Variants in SLC9A9 observed in about 807,000 individuals in gnomAD.
SLC9A9 encodes solute carrier family 9 member A9, also known as sodium/hydrogen exchanger 9.
A neutral mutation model predicts 77.8 loss-of-function variants in SLC9A9; 62 were observed. That is an observed-to-expected ratio of 0.80 (90% CI 0.65 to 0.98). The LOEUF is 0.98. Ranked by LOEUF, SLC9A9 falls within the 50% of genes least tolerant of loss-of-function variation. The pLI is 0.00. For synonymous variants in SLC9A9, 320 were observed against 283.5 expected (o/e 1.13, Z -1.29); for missense variants, 775 against 774.9 (o/e 1.00, Z 0.00).
chr3:143,347,566 C>T lies in SLC9A9; in HGVS notation c.1604+15918G>A, dbSNP rs143988736. On this transcript the variant is annotated intron_variant, in intron 14 of 15. Transcript: ENST00000316549. ...AAAGCACAGGGTAAGGAAAGGGCAC[C>T]CGGATAGGGGAATCCTGTGCCCTGG... Among the ~76,000 whole-genome samples the T allele has an allele frequency of 1.3e-3, 204 of 152,232 alleles. 2 individuals are homozygous for T. Among genetic ancestry groups the T allele is most frequent in the African/African-American group, 4.7e-3 (197 of 41,530 alleles).
intron 4 of SLC9A9, among the ~76,000 whole-genome samples, chr3:143,726,257 A>AAG (rs1934651616): frequency 6.6e-6 from 1 of 151,240 alleles, no homozygotes; most frequent in Non-Finnish European, 1.5e-5. Context: ...AAAAGAAAAA[A>AAG]AAAAAAAAGA....
chr3:143,802,882 G>A (rs1321589162), intron 2 of SLC9A9, among the ~76,000 whole-genome samples: 1 of 152,026 alleles, frequency 6.6e-6, no homozygotes, highest in Non-Finnish European at 1.5e-5. Flanking sequence ...TTATACGGAC[G>A]CACTTTCTTA....
chr3:143,394,203 AT>A (rs2033642248), intron 12 of SLC9A9, among the ~76,000 whole-genome samples: 1 of 152,238 alleles, frequency 6.6e-6, no homozygotes, highest in Non-Finnish European at 1.5e-5. Context: ...AAAATCCTCA[AT>A]AAAATACTGG....
intron 12 of SLC9A9, among the ~76,000 whole-genome samples, chr3:143,449,974 T>TGTAC (rs2034965290): frequency 1.2e-5 from 1 of 83,576 alleles, no homozygotes; most frequent in South Asian, 4.2e-4. Context: ...ATATATAATA[T>TGTAC]ATATTATATG....
intron 8 of SLC9A9, among the ~76,000 whole-genome samples, chr3:143,562,831 T>G (rs1417451687): frequency 6.6e-6 from 1 of 151,936 alleles, no homozygotes; most frequent in Non-Finnish European, 1.5e-5. Flanking sequence ...CAATGATGAA[T>G]GGACTCAACT....
Position 143,815,868 on chromosome 3 carries a change from AAAAC to A in SLC9A9, c.378+16147_378+16150del, listed in dbSNP as rs372331676. ...TGACAGAGCAAGATTCCATCTCAAA[AAAAC>A]AAACAAACAAACAAACAAAAACAAC... On this transcript the variant is annotated intron_variant, in intron 2 of 15. Coordinates refer to ENST00000316549, the MANE Select transcript of SLC9A9 (RefSeq NM_173653.4). 1.3e-3 allele frequency among the ~76,000 whole-genome samples: 194 copies of A among 152,274 alleles called. 1 individual carries two copies. The East Asian group carries it at 0.022, about 17-fold the overall frequency.
intron 5 of SLC9A9, chr3:143,655,535 A>G: frequency 2.0e-6 from 2 of 985,396 alleles, no homozygotes; most frequent in Non-Finnish European, 2.4e-6. Context: ...TTCATGCTTC[A>G]CTTGTGGCTT....
chr3:143,417,527 A>AG (rs2034218203), intron 12 of SLC9A9, among the ~76,000 whole-genome samples: 1 of 146,460 alleles, frequency 6.8e-6, no homozygotes, highest in African/African-American at 2.5e-5. Context: ...GGATGGATGG[A>AG]GGGAAAAAGG....
intron 12 of SLC9A9, among the ~76,000 whole-genome samples, chr3:143,464,081 G>A (rs1014179538): frequency 2.6e-5 from 4 of 152,138 alleles, no homozygotes; most frequent in East Asian, 3.8e-4. Flanking sequence ...GGAAGGCCAC[G>A]TAAAGTAGAT....
chr3:143,555,694 A>T (rs1273667848), intron 8 of SLC9A9, among the ~76,000 whole-genome samples: 1 of 152,242 alleles, frequency 6.6e-6, no homozygotes. Flanking sequence ...AGATTTTACG[A>T]AAAAGATTAC....
At chr3:143,748,091 T>C (rs1057252679) in intron 4 of SLC9A9, among the ~76,000 whole-genome samples, 8 of 152,232 alleles carry the variant, frequency 5.3e-5, no homozygotes, top group Non-Finnish European at 1.0e-4. Context: ...TAGTTGACAC[T>C]GAACTTAGTT....
At chr3:143,528,430 A>C (rs1048956151) in intron 9 of SLC9A9, among the ~76,000 whole-genome samples, 6 of 152,208 alleles carry the variant, frequency 3.9e-5, no homozygotes, top group Admixed American at 2.0e-4. Flanking sequence ...ACATTTAGGA[A>C]ATAAGAAAGT....
chr3:143,292,664 G>C (rs1333654404), intron 14 of SLC9A9, among the ~76,000 whole-genome samples: 1 of 151,968 alleles, frequency 6.6e-6, no homozygotes, highest in East Asian at 1.9e-4. Context: ...AATGATATGA[G>C]GTCCCTTCCC....
intron 4 of SLC9A9, among the ~76,000 whole-genome samples, chr3:143,721,426 A>C (rs1934495203): frequency 6.6e-6 from 1 of 151,932 alleles, no homozygotes; most frequent in Non-Finnish European, 1.5e-5. Flanking sequence ...ATGCCATGGA[A>C]TAAACACTTC....
At chr3:143,682,825 T>C (rs1281424079) in intron 5 of SLC9A9, among the ~76,000 whole-genome samples, 2 of 152,252 alleles carry the variant, frequency 1.3e-5, no homozygotes, top group African/African-American at 4.8e-5. Flanking sequence ...TATAGCCACA[T>C]CTTCCTCTGA....
chr3:143,828,032 G>A (rs956452175), intron 2 of SLC9A9, among the ~76,000 whole-genome samples: 2 of 152,118 alleles, frequency 1.3e-5, no homozygotes, highest in African/African-American at 2.4e-5. Flanking sequence ...CTCTCAGAGA[G>A]CCTGTCCAGT....
chr3:143,272,535 C>G (rs1287343402), intron 14 of SLC9A9, among the ~76,000 whole-genome samples: 1 of 152,202 alleles, frequency 6.6e-6, no homozygotes, highest in East Asian at 1.9e-4. Context: ...TACGAAGACA[C>G]TGAGTAACGG....
intron 14 of SLC9A9, among the ~76,000 whole-genome samples, chr3:143,305,582 T>C (rs16853393): frequency 0.05 from 7,553 of 152,246 alleles, 641 homozygotes; most frequent in African/African-American, 0.17. Flanking sequence ...AGGGATGCTG[T>C]GCTGGAAGTG....
At chr3:143,838,462 G>A (rs749054809) in intron 1 of SLC9A9, among the ~76,000 whole-genome samples, 8 of 152,150 alleles carry the variant, frequency 5.3e-5, no homozygotes, top group Non-Finnish European at 1.0e-4. Flanking sequence ...GAAGAATCGA[G>A]CGAGTTCCTT....
Sources: gnomAD v4.1 joint callset for allele counts (sites outside exome capture counted in the v4.1 genomes callset) on GRCh38, gnomAD v4.1.1 for gene constraint, MANE v1.5 for transcripts, NCBI Gene and HGNC (gene_info 2026-07-23, HGNC 2026-07-21) for gene names.